CCDC146: variants seen among roughly 807,000 people sequenced by gnomAD.
CCDC146 encodes coiled-coil domain-containing protein 146.
A neutral mutation model predicts 119.3 loss-of-function variants in CCDC146; 92 were observed. The ratio of observed to expected loss-of-function variants is 0.77; its 90% CI spans 0.65 to 0.92. The LOEUF is 0.92. CCDC146 is among the 40% of genes least tolerant of loss of function. CCDC146 has a pLI of 0.00. For missense variants in CCDC146, 1,000 were observed against 1,103.0 expected, an observed-to-expected ratio of 0.91 and a Z score of 1.32; for synonymous variants, 372 against 371.8, an observed-to-expected ratio of 1.00 and a Z score of -0.01.
At chr7:77,227,431 G>A (rs1285075399) in intron 2 of CCDC146, among the ~76,000 whole-genome samples, 4 of 152,100 alleles carry the variant, frequency 2.6e-5, no homozygotes, top group Admixed American at 2.0e-4. Context: ...TCAGCCTCCC[G>A]AGTAGCTGGG....
chr7:77,140,639 T>C (rs1158563188), intron 1 of CCDC146, among the ~76,000 whole-genome samples: 4 of 152,064 alleles, frequency 2.6e-5, no homozygotes, highest in Non-Finnish European at 4.4e-5. Context: ...TATCATCACA[T>C]TGGGGATTAT....
intron 17 of CCDC146, among the ~76,000 whole-genome samples, chr7:77,290,488 T>A (rs542585980): frequency 4.5e-4 from 68 of 152,292 alleles, no homozygotes; most frequent in African/African-American, 1.5e-3. Flanking sequence ...GGCAGCAACA[T>A]TTAAAGAAAC....
At chr7:77,132,974 C>T (rs1790807367) in intron 1 of CCDC146, among the ~76,000 whole-genome samples, 1 of 151,920 alleles carries the variant, frequency 6.6e-6, no homozygotes, top group Non-Finnish European at 1.5e-5. Context: ...GAGTTCAAGA[C>T]CAGTCTGGCT....
intron 2 of CCDC146, among the ~76,000 whole-genome samples, chr7:77,215,415 CA>C (rs1792285527): frequency 6.6e-6 from 1 of 151,844 alleles, no homozygotes; most frequent in Non-Finnish European, 1.5e-5. Flanking sequence ...TTTCCATGCT[CA>C]AAACTTGGAA....
chr7:77,196,494 CAGA>C lies in CCDC146; in HGVS notation c.156+28673_156+28675del, dbSNP rs762871890. 5.6e-6 allele frequency: 9 copies of C among 1,613,954 alleles called. No homozygotes were observed. The highest frequency in any genetic ancestry group is 7.6e-6 in the Non-Finnish European group (9 of 1,179,994). On this transcript the variant is annotated intron_variant, in intron 2 of 18. Transcript: ENST00000285871. The surrounding 1 kb of genome is among the most constrained non-coding windows in gnomAD (Gnocchi z 4.2). ...GAACTGTAGTACAGCCCACAGTTCC[CAGA>C]AGGATATCGATCATTGTCTTTATCT...
chr7:77,286,433 G>C (rs1562862878), intron 15 of CCDC146, among the ~76,000 whole-genome samples: 2 of 152,098 alleles, frequency 1.3e-5, no homozygotes, highest in Non-Finnish European at 2.9e-5. Context: ...GAGATTTGGA[G>C]GGGGACACAT....
Position 77,167,849 on chromosome 7 carries a change from A to G in CCDC146, c.156+25A>G, listed in dbSNP as rs1171243512. The G allele has an allele frequency of 4.4e-6, 7 of 1,607,062 alleles. No homozygotes were observed. In the Admixed American group the frequency reaches 1.0e-4, roughly 23 times the overall value. On this transcript the variant is annotated intron_variant, in intron 2 of 18. Transcript: ENST00000285871. ...GGTATATTTTTCTTTATATGTTACTACAGTAAAACCCAACTCAACATGTAC... is the reference window on the plus strand; with the variant it reads ...GGTATATTTTTCTTTATATGTTACTGCAGTAAAACCCAACTCAACATGTAC...
intron 1 of CCDC146, among the ~76,000 whole-genome samples, chr7:77,144,845 C>T (rs1381559742): frequency 1.3e-5 from 2 of 151,702 alleles, no homozygotes; most frequent in South Asian, 2.1e-4. Flanking sequence ...ATTTTTTCAT[C>T]GATGTTCATC....
intron 13 of CCDC146, 121 bp downstream of exon 13, chr7:77,279,222 C>T: frequency 1.2e-6 from 1 of 810,248 alleles, no homozygotes; most frequent in Non-Finnish European, 1.9e-6. Flanking sequence ...CAAGATGGTG[C>T]CACTGCCCTC....
chr7:77,182,361 T>C (rs924272393), intron 2 of CCDC146, among the ~76,000 whole-genome samples: 5 of 152,184 alleles, frequency 3.3e-5, no homozygotes, highest in African/African-American at 1.2e-4. Flanking sequence ...TTTATACTAA[T>C]AAAACATTTT....
Position 77,273,728 on chromosome 7 carries a change from C to T in CCDC146, c.1208C>T (p.Ser403Phe), listed in dbSNP as rs1390730543. The T allele has an allele frequency of 3.7e-6, 6 of 1,610,370 alleles. No individual in the cohort carries two copies. Among genetic ancestry groups the T allele is most frequent in the East Asian group, 2.2e-5 (1 of 44,756 alleles). Reference protein sequence around the residue: ...EAIPKDDSTLSERRRELHKEV... With the variant: ...EAIPKDDSTLFERRRELHKEV... ...ATCCCCAAAGATGATTCTACATTATCTGAGAGAAGGCGAGAGCTTCACAAG... is the reference window on the plus strand; with the variant it reads ...ATCCCCAAAGATGATTCTACATTATTTGAGAGAAGGCGAGAGCTTCACAAG... The change falls in exon 10 of 19, where the codon TCT (serine) becomes TTT (phenylalanine). Residue 403 changes from serine (S) to phenylalanine (F), a missense_variant. Ser to Phe is a radical substitution (Grantham distance 155). Around this residue, in one of 2 missense-constraint regions of CCDC146, gnomAD observed 985 missense variants for 1,045.3 expected, o/e 0.94. Coordinates refer to ENST00000285871, the MANE Select transcript of CCDC146 (RefSeq NM_020879.3).
rs529659500 is a variant in CCDC146 at position 77,277,237 on chromosome 7, T to C, written c.1441-1515T>C. On this transcript the variant is annotated intron_variant, in intron 11 of 18. Coordinates refer to ENST00000285871, the MANE Select transcript of CCDC146 (RefSeq NM_020879.3). ...TCCTAGTTAGAAACTTCCTCCCTTT[T>C]CTCTTTAGAAATTACAGAAACACCA... is the stretch of plus-strand genomic sequence containing the variant. Among the ~76,000 whole-genome samples the C allele has an allele frequency of 2.6e-5, 4 of 152,316 alleles. No homozygotes were observed. The East Asian group carries it at 5.8e-4, about 22-fold the overall frequency.
At position 77,237,046 on chromosome 7, in the gene CCDC146, T is replaced by C. The variant is rs368773629; in HGVS notation, c.239+17T>C. 3 of 1,596,248 alleles carry C rather than the reference T, an allele frequency of 1.9e-6. No homozygotes were observed. Among genetic ancestry groups the C allele is most frequent in the African/African-American group, 1.3e-5 (1 of 74,568 alleles). ...CGTGATGAGGTATGCAATTTACCAA[T>C]ATGGAGACATGATTAATCACCTTTA... is the stretch of plus-strand genomic sequence containing the variant. On this transcript the variant is annotated intron_variant, in intron 3 of 18. Coordinates refer to ENST00000285871, the MANE Select transcript of CCDC146 (RefSeq NM_020879.3).
intron 9 of CCDC146, among the ~76,000 whole-genome samples, chr7:77,271,065 A>AC (rs1793502685): frequency 1.3e-5 from 2 of 152,056 alleles, no homozygotes; most frequent in Admixed American, 1.3e-4. Context: ...AAAAAAAAAA[A>AC]AAAACAGCAT....
intron 1 of CCDC146, among the ~76,000 whole-genome samples, chr7:77,127,695 G>A (rs777132688): frequency 8.5e-5 from 13 of 152,118 alleles, no homozygotes; most frequent in African/African-American, 1.2e-4. Context: ...AAGTCAATAC[G>A]CTTTCTTTGT....
intron 4 of CCDC146, among the ~76,000 whole-genome samples, chr7:77,245,128 CTGGT>C (rs575494295): frequency 1.3e-3 from 195 of 152,174 alleles, no homozygotes; most frequent in Non-Finnish European, 2.1e-3. Flanking sequence ...ATCTAATTAT[CTGGT>C]TGGTTGGTTG....
chr7:77,197,571 G>A lies in CCDC146; in HGVS notation c.156+29747G>A, dbSNP rs1791898470. Among the ~76,000 whole-genome samples, 3 of 152,212 alleles carry A rather than the reference G, an allele frequency of 2.0e-5. No individual in the cohort carries two copies. The South Asian group carries it at 6.2e-4, about 31-fold the overall frequency. ...AGAACTGTATTCCTTGCATACAGAGGAAGCACAGGCTTCTATTTTCTTTCA... is the reference window on the plus strand; with the variant it reads ...AGAACTGTATTCCTTGCATACAGAGAAAGCACAGGCTTCTATTTTCTTTCA... On this transcript the variant is annotated intron_variant, in intron 2 of 18. Transcript: ENST00000285871.
Position 77,234,265 on chromosome 7 carries a change from T to A in CCDC146, c.157-2682T>A, listed in dbSNP as rs1352590510. 2.0e-5 allele frequency among the ~76,000 whole-genome samples: 3 copies of A among 149,700 alleles called. No homozygotes were observed. The East Asian group carries it at 5.8e-4, about 29-fold the overall frequency. On this transcript the variant is annotated intron_variant, in intron 2 of 18. Coordinates refer to ENST00000285871, the MANE Select transcript of CCDC146 (RefSeq NM_020879.3). The stretch of plus-strand genomic sequence containing the variant: ...CATTTGTAAAGGCTTTTTTTTTTTT[T>A]AACTTATTAGATTTTAAAGCCATAG...
At chr7:77,183,586 G>A (rs1791621342) in intron 2 of CCDC146, among the ~76,000 whole-genome samples, 2 of 152,094 alleles carry the variant, frequency 1.3e-5, no homozygotes, top group African/African-American at 4.8e-5. Context: ...CCCAGGCCAG[G>A]AGTGCTTTCT....
Sources: allele counts gnomAD v4.1 joint callset (sites outside exome capture counted in the v4.1 genomes callset), GRCh38; gene constraint gnomAD v4.1.1; regional missense constraint gnomAD v4.1.1; non-coding constraint Gnocchi (gnomAD v3.1); transcripts MANE v1.5; gene names NCBI Gene and HGNC (gene_info 2026-07-23, HGNC 2026-07-21).